The following MAP3K8 variants were observed in gnomAD, a reference collection of about 807,000 sequenced individuals.
The protein encoded by MAP3K8 is Ewing sarcoma transformant.
In MAP3K8, 22 loss-of-function variants were observed where a neutral mutation model predicts 45.8. That is an observed-to-expected ratio of 0.48 (90% CI 0.34 to 0.69). The LOEUF (loss-of-function observed/expected upper bound fraction) is 0.69, where lower values mean the gene tolerates loss of function less well. Among genes scored for constraint, MAP3K8 ranks in the 30% least tolerant of loss-of-function variants. The pLI is 0.01. For synonymous variants in MAP3K8, 223 were observed against 214.3 expected, an observed-to-expected ratio of 1.04 and a Z score of -0.36; for missense variants, 419 against 585.0, an observed-to-expected ratio of 0.72 and a Z score of 2.93.
At chr10:30,447,706 C>A (rs981743423) in intron 3 of MAP3K8, 76 bp from the exon 4 acceptor site, 1 of 1,080,828 alleles carries the variant, frequency 9.3e-7, no homozygotes, top group Middle Eastern at 2.0e-4. Context: ...AAATAACCAG[C>A]TTCCTAATAG....
Position 30,461,677 on chromosome 10 carries a change from C to T in MAP3K8, c.*841C>T, listed in dbSNP as rs566171208. ...TACTGTGTATGTTTTATATCAAATG[C>T]CTTCATGAATCTTTCATACATATAT... On this transcript the variant is annotated 3_prime_UTR_variant, in exon 9 of 9. Coordinates refer to ENST00000263056, the MANE Select transcript of MAP3K8 (RefSeq NM_005204.4). 1.6e-5 allele frequency: 3 copies of T among 185,144 alleles called. No individual in the cohort carries two copies. In the South Asian group the frequency reaches 5.9e-4, roughly 36 times the overall value. 11.5% of individuals were successfully genotyped at this position (185,144 alleles called of 1,614,324 possible).
chr10:30,461,017 T>C lies in MAP3K8; in HGVS notation c.*181T>C, dbSNP rs1343782908. The C allele has an allele frequency of 1.7e-6, 1 of 592,096 alleles. No individual in the cohort carries two copies. Among genetic ancestry groups the C allele is most frequent in the African/African-American group, 1.9e-5 (1 of 52,548 alleles). 36.7% of individuals were successfully genotyped at this position (592,096 alleles called of 1,614,324 possible). A position where few individuals can be genotyped will look rare whatever the true frequency, so the allele number is the denominator to read the frequency against. The stretch of plus-strand genomic sequence containing the variant: ...GTGTTTGACATGTGAAGCTATTTGA[T>C]ATGCACCAGGTCTCAAGGTTCTCAT... On this transcript the variant is annotated 3_prime_UTR_variant, in exon 9 of 9. Transcript: ENST00000263056.
rs1588776452 is a variant in MAP3K8 at position 30,447,000 on chromosome 10, C to T, written c.337-782C>T. Among the ~76,000 whole-genome samples, 4 of 152,120 alleles carry T rather than the reference C, an allele frequency of 2.6e-5. No homozygotes were observed. The East Asian group carries it at 7.7e-4, about 29-fold the overall frequency. ...TCCTGGCCTCAAGATATCCTCCTGC[C>T]TCAGTCTCCCAGTATGCTAGTATTA... On this transcript the variant is annotated intron_variant, in intron 3 of 8. Coordinates refer to ENST00000263056, the MANE Select transcript of MAP3K8 (RefSeq NM_005204.4).
At chr10:30,454,941 A>G (rs1836686869) in intron 6 of MAP3K8, among the ~76,000 whole-genome samples, 1 of 152,172 alleles carries the variant, frequency 6.6e-6, no homozygotes, top group South Asian at 2.1e-4. Flanking sequence ...TGAAAAACAA[A>G]CTATTTATGG....
chr10:30,460,635 T>G lies in MAP3K8; in HGVS notation c.1274-71T>G, dbSNP rs988907936. ...ATTAGGCCCCAAAGATTTATTTCAC[T>G]GCAGAAGGAACAGGTATTTATCATT... On this transcript the variant is annotated intron_variant, in intron 8 of 8. Transcript: ENST00000263056. The G allele has an allele frequency of 6.9e-6, 9 of 1,307,358 alleles. No homozygotes were observed. In the East Asian group the frequency reaches 2.2e-4, roughly 31 times the overall value. The allele number at this position is 1,307,358 out of a possible 1,614,324, so 81.0% of individuals were successfully genotyped here. A position where few individuals can be genotyped will look rare whatever the true frequency, so the allele number is the denominator to read the frequency against.
intron 3 of MAP3K8, 126 bp downstream of exon 3, chr10:30,439,400 C>G: frequency 6.9e-7 from 1 of 1,443,186 alleles, no homozygotes; most frequent in Non-Finnish European, 9.2e-7. Context: ...AAAATGTAAT[C>G]ATCAGTAAGA....
At chr10:30,460,544 T>G (rs1164368493) in intron 8 of MAP3K8, among the ~76,000 whole-genome samples, 162 bp from the exon 9 acceptor site, 3 of 152,228 alleles carry the variant, frequency 2.0e-5, no homozygotes, top group African/African-American at 7.2e-5. Context: ...TTTTGTTCTA[T>G]GTCATATTAT....
intron 3 of MAP3K8, among the ~76,000 whole-genome samples, chr10:30,442,998 A>G (rs1305657050): frequency 6.6e-6 from 1 of 152,220 alleles, no homozygotes; most frequent in Non-Finnish European, 1.5e-5. Context: ...ACTGGGACAC[A>G]AAGTTTCCTA....
At chr10:30,442,482 A>G (rs7071698) in intron 3 of MAP3K8, among the ~76,000 whole-genome samples, 36,495 of 152,146 alleles carry the variant, frequency 0.24, 7,764 homozygotes, top group African/African-American at 0.58. Context: ...TAGACAGGGT[A>G]GAGAACCAGG....
At chr10:30,441,024 A>G (rs367999194) in intron 3 of MAP3K8, among the ~76,000 whole-genome samples, 43 of 152,336 alleles carry the variant, frequency 2.8e-4, no homozygotes, top group African/African-American at 1.0e-3. Flanking sequence ...AGAAAAGTTA[A>G]TCCTAAAAAG....
In MAP3K8 at chr10:30,457,084, GA is replaced by G. The variant is rs778731032; in HGVS notation, c.874-987del. On this transcript the variant is annotated intron_variant, in intron 6 of 8. Coordinates refer to ENST00000263056, the MANE Select transcript of MAP3K8 (RefSeq NM_005204.4). ...GGGTGACAGAGGGAGACCCCATCTC[GA>G]AAAAAAAAAAAAGCCAAAGTGCTGA... Among the ~76,000 whole-genome samples, 764 of 133,910 alleles carry G rather than the reference GA, an allele frequency of 5.7e-3. 6 individuals carry two copies. Among genetic ancestry groups the G allele is most frequent in the African/African-American group, 0.017 (624 of 36,630 alleles). The allele number at this position is 133,910 out of a possible 152,430, so 87.9% of individuals were successfully genotyped here.
intron 6 of MAP3K8, among the ~76,000 whole-genome samples, chr10:30,455,107 G>A (rs951331585): frequency 6.6e-6 from 1 of 152,172 alleles, no homozygotes; most frequent in African/African-American, 2.4e-5. Context: ...ATTTGGATCA[G>A]GTTTTTTTTG....
intron 1 of MAP3K8, among the ~76,000 whole-genome samples, chr10:30,436,889 A>G (rs1225996811): frequency 1.3e-5 from 2 of 151,056 alleles, no homozygotes; most frequent in African/African-American, 4.9e-5. Context: ...GCCCTAAATT[A>G]GGCTGTTTTT....
chr10:30,457,516 C>T (rs546576261), intron 6 of MAP3K8, among the ~76,000 whole-genome samples: 131 of 152,230 alleles, frequency 8.6e-4, no homozygotes, highest in Admixed American at 2.7e-3. Flanking sequence ...AAGGAATTGG[C>T]GTTTTAGTTG....
rs1290223869 is a variant in MAP3K8 at position 30,460,914 on chromosome 10, T to C, written c.*78T>C. The stretch of plus-strand genomic sequence containing the variant: ...TTCTGCTGCCTCTACACAGGGGCCC[T>C]GTACAGTGAATGGTGCCATTTTCGA... On this transcript the variant is annotated 3_prime_UTR_variant, in exon 9 of 9. Coordinates refer to ENST00000263056, the MANE Select transcript of MAP3K8 (RefSeq NM_005204.4). 2 of 1,537,808 alleles carry C rather than the reference T, an allele frequency of 1.3e-6. No individual in the cohort carries two copies. Among genetic ancestry groups the C allele is most frequent in the East Asian group, 2.3e-5 (1 of 42,786 alleles).
intron 1 of MAP3K8, chr10:30,434,747 CG>C: frequency 3.0e-6 from 3 of 985,500 alleles, no homozygotes; most frequent in Non-Finnish European, 3.6e-6. Flanking sequence ...GCCCGAGACC[CG>C]GTGAGTGCAG....
chr10:30,456,581 G>A (rs181392178), intron 6 of MAP3K8, among the ~76,000 whole-genome samples: 7 of 152,248 alleles, frequency 4.6e-5, no homozygotes, highest in South Asian at 4.1e-4. Context: ...TGTACAAGCT[G>A]TTTCAAGCGA....
Position 30,461,795 on chromosome 10 carries a change from T to C in MAP3K8, c.*959T>C, listed in dbSNP as rs8177039. 0.038 allele frequency: 6,949 copies of C among 182,086 alleles called. 474 individuals are homozygous for C. Among genetic ancestry groups the C allele is most frequent in the African/African-American group, 0.15 (6,173 of 42,494 alleles). The allele number at this position is 182,086 out of a possible 1,614,324, so 11.3% of individuals were successfully genotyped here. ...AACCCAATACTTTTGTCCAATGTGGTTGGTCAAATCAACTGAATAAATTCA... is the reference window on the plus strand; with the variant it reads ...AACCCAATACTTTTGTCCAATGTGGCTGGTCAAATCAACTGAATAAATTCA... On this transcript the variant is annotated 3_prime_UTR_variant, in exon 9 of 9. Transcript: ENST00000263056.
At chr10:30,459,171 T>G in intron 7 of MAP3K8, 84 bp from the exon 8 acceptor site, 4 of 1,486,962 alleles carry the variant, frequency 2.7e-6, no homozygotes, top group Non-Finnish European at 3.7e-6. Flanking sequence ...ACGGATTACT[T>G]TCTAGGTCCT....
Sources: gnomAD v4.1 joint callset for allele counts (sites outside exome capture counted in the v4.1 genomes callset) on GRCh38, gnomAD v4.1.1 for gene constraint, MANE v1.5 for transcripts, NCBI Gene and HGNC (gene_info 2026-07-23, HGNC 2026-07-21) for gene names.